TAF1: variants seen among roughly 807,000 people sequenced by gnomAD.
The protein encoded by TAF1 is transcription initiation factor TFIID subunit 1.
TAF1 carries 2 observed loss-of-function variants against 138.5 expected under a neutral mutation model. That is an observed-to-expected ratio of 0.01 (90% CI 0.01 to 0.05). The LOEUF (loss-of-function observed/expected upper bound fraction) is 0.05, where lower values mean the gene tolerates loss of function less well. Ranked by LOEUF, TAF1 falls within the 10% of genes least tolerant of loss-of-function variation. The probability of loss-of-function intolerance (pLI) is 1.00; values close to 1 mark genes in which losing one functional copy is unlikely to be tolerated. For synonymous variants in TAF1, 437 were observed against 503.2 expected (o/e 0.87, Z 1.76); for missense variants, 709 against 1,478.0 (o/e 0.48, Z 8.53).
rs35875629 is a variant in TAF1 at position 71,483,151 on chromosome X, C to CTT, written c.1366+22364_1366+22365dup. On this transcript the variant is annotated intron_variant and NMD_transcript_variant, in intron 13 of 14. Coordinates refer to the TAF1 transcript ENST00000373775. ...TGACTGGCTTTTTTTTTTTTCTTTT[C>CTT]TTTTTTTTTTTTTTTTTGTAGAGAT... 3.3e-3 allele frequency among the ~76,000 whole-genome samples: 246 copies of CTT among 74,913 alleles called. 2 individuals are homozygous for CTT. The East Asian group carries it at 0.041, about 13-fold the overall frequency. The allele number at this position is 74,913 out of a possible 115,157, so 65.1% of individuals were successfully genotyped here.
chrX:71,464,234 T>C lies in TAF1; in HGVS notation c.*188T>C, dbSNP rs1209421505. 1 of 443,937 alleles carries C rather than the reference T, an allele frequency of 2.3e-6. No homozygotes were observed. Among genetic ancestry groups the C allele is most frequent in the Non-Finnish European group, 3.8e-6 (1 of 262,598 alleles). The allele number at this position is 443,937 out of a possible 1,213,427, so 36.6% of individuals were successfully genotyped here. On this transcript the variant is annotated 3_prime_UTR_variant, in exon 38 of 38. Transcript: ENST00000423759. ...CTCTCCTAATCTTCCTGGGGCAATG[T>C]CACCCTTTGATTTAAAACAAAGCAA...
intron 28 of TAF1, chrX:71,420,528 G>A (rs1422829082): frequency 6.6e-6 from 8 of 1,204,981 alleles, no homozygotes; most frequent in Non-Finnish European, 9.0e-6. Flanking sequence ...ATGATCACTG[G>A]GCCAGCATTT....
chrX:71,398,871 C>G, intron 24 of TAF1, 134 bp downstream of exon 24: 9 of 927,735 alleles, frequency 9.7e-6, no homozygotes, highest in Non-Finnish European at 1.3e-5. Context: ...ATTGATGTGA[C>G]TACTTGGGGG....
intron 13 of TAF1, among the ~76,000 whole-genome samples, chrX:71,471,344 TATAC>T (rs1299305285): frequency 1.3e-3 from 128 of 101,378 alleles, no homozygotes; most frequent in African/African-American, 4.7e-3. Flanking sequence ...TATATATATA[TATAC>T]ACACACACAC....
chrX:71,512,616 G>A (rs1390015799), intron 13 of TAF1, among the ~76,000 whole-genome samples: 2 of 111,445 alleles, frequency 1.8e-5, no homozygotes, highest in Non-Finnish European at 3.8e-5. Context: ...TCAGGAGTCC[G>A]AGACCAATCT....
chrX:71,432,654 G>T (rs2036946984), intron 32 of TAF1, among the ~76,000 whole-genome samples: 1 of 109,798 alleles, frequency 9.1e-6, no homozygotes, highest in South Asian at 3.9e-4. Flanking sequence ...GGAATTGAGG[G>T]TATTAGCAAA....
intron 13 of TAF1, among the ~76,000 whole-genome samples, chrX:71,514,717 G>C (rs1243471509): frequency 8.9e-6 from 1 of 111,743 alleles, no homozygotes; most frequent in Admixed American, 9.6e-5. Flanking sequence ...CCTCGTAAAA[G>C]AGTCAGGAAT....
chrX:71,369,434 G>A (rs907034525), intron 3 of TAF1, among the ~76,000 whole-genome samples: 1 of 111,568 alleles, frequency 9.0e-6, no homozygotes, highest in East Asian at 2.8e-4. Flanking sequence ...TTATTTATTC[G>A]TAATCTCTAG....
In TAF1 at chrX:71,432,237, G is replaced by A. The variant is rs146839124; in HGVS notation, c.4753+7999G>A. Among the ~76,000 whole-genome samples, 633 of 111,434 alleles carry A rather than the reference G, an allele frequency of 5.7e-3. 4 individuals carry two copies. Among genetic ancestry groups the A allele is most frequent in the African/African-American group, 0.02 (609 of 30,727 alleles). ...AGGCAGTTGGGCAGAGGAGAACTTCGTATAGGTCAAAGAGAAGAAAATTAA... is the reference window on the plus strand; with the variant it reads ...AGGCAGTTGGGCAGAGGAGAACTTCATATAGGTCAAAGAGAAGAAAATTAA... On this transcript the variant is annotated intron_variant, in intron 32 of 37. Transcript: ENST00000423759.
intron 13 of TAF1, among the ~76,000 whole-genome samples, chrX:71,510,535 G>A (rs1042804932): frequency 6.3e-5 from 7 of 111,793 alleles, no homozygotes; most frequent in African/African-American, 1.3e-4. Context: ...AGATGGTGCC[G>A]CTATCAAGCA....
chrX:71,408,926 A>G (rs1251571325), intron 28 of TAF1, among the ~76,000 whole-genome samples: 2 of 108,362 alleles, frequency 1.8e-5, no homozygotes, highest in African/African-American at 6.7e-5. Flanking sequence ...AGGCAGGAGA[A>G]TGGCGTGAAC....
In TAF1 at chrX:71,377,827, CA is replaced by C. The variant is rs2033591015; in HGVS notation, c.933+10del. 1.7e-6 allele frequency: 2 copies of C among 1,192,936 alleles called. No individual in the cohort carries two copies. The highest frequency in any genetic ancestry group is 2.3e-6 in the Non-Finnish European group (2 of 886,913). ...AGTGTCTCTCTGATGATGAAGTAGG[CA>C]AAATAGAGACCTGAGATTAAGGCCT... is the stretch of plus-strand genomic sequence containing the variant. On this transcript the variant is annotated splice_region_variant and intron_variant, in intron 6 of 37. Coordinates refer to ENST00000423759, the MANE Select transcript of TAF1 (RefSeq NM_004606.5).
chrX:71,439,982 G>A (rs542054722), intron 32 of TAF1, among the ~76,000 whole-genome samples: 1 of 111,036 alleles, frequency 9.0e-6, no homozygotes, highest in African/African-American at 3.3e-5. Context: ...TTGTGCATAA[G>A]TGTGTGCAAT....
chrX:71,409,009 G>A (rs1332903118), intron 28 of TAF1, among the ~76,000 whole-genome samples: 3 of 101,970 alleles, frequency 2.9e-5, no homozygotes, highest in African/African-American at 7.3e-5. Context: ...GCAAGACTCC[G>A]TCTCAAAAAA....
At chrX:71,453,685 T>C (rs1265383234) in intron 32 of TAF1, among the ~76,000 whole-genome samples, 1 of 110,843 alleles carries the variant, frequency 9.0e-6, no homozygotes, top group African/African-American at 3.3e-5. Flanking sequence ...TCCACCATTA[T>C]ATTATCAGAC....
chrX:71,518,053 C>T (rs138240871), intron 13 of TAF1, among the ~76,000 whole-genome samples: 1,855 of 110,996 alleles, frequency 0.017, 43 homozygotes, highest in African/African-American at 0.058. Context: ...AGTTCCAGAC[C>T]AACCTGGGCA....
chrX:71,367,128 T>C (rs975490605), intron 1 of TAF1, among the ~76,000 whole-genome samples: 5 of 112,000 alleles, frequency 4.5e-5, no homozygotes, highest in African/African-American at 1.3e-4. Context: ...CGCAGGCGCA[T>C]GCGAAACAGG....
chrX:71,526,186 T>A (rs1260088055), intron 13 of TAF1, among the ~76,000 whole-genome samples: 1 of 111,775 alleles, frequency 8.9e-6, no homozygotes, highest in Non-Finnish European at 1.9e-5. Flanking sequence ...TATAAAAATT[T>A]TAATGTTGCA....
At position 71,378,219 on chromosome X, in the gene TAF1, C is replaced by A; in HGVS notation, c.934-16C>A. On this transcript the variant is annotated splice_polypyrimidine_tract_variant and intron_variant, in intron 6 of 37. Coordinates refer to ENST00000423759, the MANE Select transcript of TAF1 (RefSeq NM_004606.5). Reference sequence around the variant, plus strand: ...TCAGGAAATTCTCCCTGCTCTACTTCTTTCTTCTGTTACAGATCACGATGA... The same window carrying A: ...TCAGGAAATTCTCCCTGCTCTACTTATTTCTTCTGTTACAGATCACGATGA... The A allele has an allele frequency of 3.3e-6, 4 of 1,208,078 alleles. No homozygotes were observed. Among genetic ancestry groups the A allele is most frequent in the Admixed American group, 2.2e-5 (1 of 45,958 alleles).
Sources: allele counts gnomAD v4.1 joint callset (sites outside exome capture counted in the v4.1 genomes callset), GRCh38; gene constraint gnomAD v4.1.1; transcripts MANE v1.5; gene names NCBI Gene and HGNC (gene_info 2026-07-23, HGNC 2026-07-21).